The following SIGLEC6 variants were observed in gnomAD, a reference collection of about 807,000 sequenced individuals.
SIGLEC6 encodes sialic acid-binding Ig-like lectin 6.
Under a neutral mutation model 41.4 loss-of-function variants are expected in SIGLEC6, and 31 were observed. That is an observed-to-expected ratio of 0.75 (90% CI 0.56 to 1.01). The LOEUF (loss-of-function observed/expected upper bound fraction) is 1.01. SIGLEC6 is among the 50% of genes least tolerant of loss of function. The pLI, the probability that SIGLEC6 is intolerant of heterozygous loss-of-function variation, is 0.00. For missense variants in SIGLEC6, 555 were observed against 558.6 expected (o/e 0.99, Z 0.06); for synonymous variants, 217 against 231.0 (o/e 0.94, Z 0.55).
At chr19:51,523,000 C>T (rs777286668) in intron 7 of SIGLEC6, among the ~76,000 whole-genome samples, 13 of 151,890 alleles carry the variant, frequency 8.6e-5, no homozygotes, top group African/African-American at 1.7e-4. Context: ...ATTAGCCAGG[C>T]GCAGTGGTGC....
At chr19:51,530,064 C>G in intron 4 of SIGLEC6, 83 bp from the exon 5 acceptor site, 1 of 1,479,604 alleles carries the variant, frequency 6.8e-7, no homozygotes, top group Non-Finnish European at 9.1e-7. Context: ...GGGGTCCACA[C>G]TAGCTCTGAG....
In SIGLEC6 at chr19:51,530,503, G is replaced by A. The variant is rs1394750484; in HGVS notation, c.707-19C>T. 6.2e-7 allele frequency: 1 copy of A among 1,614,024 alleles called. No individual in the cohort carries two copies. The highest frequency in any genetic ancestry group is 2.2e-5 in the East Asian group (1 of 44,878). On this transcript the variant is annotated intron_variant, in intron 3 of 7. Coordinates refer to ENST00000425629, the MANE Select transcript of SIGLEC6 (RefSeq NM_001245.7). ...GGAGCATCTGGGGTGGAAAGAGGTG[G>A]CCGCCTCAACATCCCTGAGGAGGGA...
In SIGLEC6 at chr19:51,531,499, T is replaced by C. The variant is rs1369554069; in HGVS notation, c.88A>G (p.Arg30Gly). ...LWAGALAQER[R>G]FQLEGPESLT... is the part of the protein sequence containing the mutation. ...GACTCTGGCCCCTCCAGCTGGAATC[T>C]CCGCTCCTGAGCCAGGGCCCCTATG... The change falls in exon 2 of 8, where the codon AGA (arginine) becomes GGA (glycine). Residue 30 changes from arginine (R) to glycine (G), a missense_variant. By Grantham distance (125) the Arg-to-Gly change is moderately radical. Transcript: ENST00000425629. 1.9e-6 allele frequency: 3 copies of C among 1,613,612 alleles called. No homozygotes were observed. The Admixed American group carries it at 5.0e-5, about 27-fold the overall frequency.
intron 2 of SIGLEC6, 45 bp downstream of exon 2, chr19:51,531,115 C>T: frequency 1.3e-6 from 2 of 1,557,092 alleles, no homozygotes; most frequent in South Asian, 2.5e-5. Flanking sequence ...GCCCTACGGC[C>T]CCCATGACCT....
At chr19:51,527,966 C>G in intron 6 of SIGLEC6, 138 bp from the exon 7 acceptor site, 3 of 962,508 alleles carry the variant, frequency 3.1e-6, no homozygotes, top group Non-Finnish European at 4.7e-6. Context: ...AAGAGTTGGA[C>G]CACGGTTTCA....
chr19:51,529,912 T>C lies in SIGLEC6; in HGVS notation c.824A>G (p.Asp275Gly). ...GTGTGCAGGGGGGTTGCCGTCAGCATCACAGAGCAGCCGCAGAGCCTGGCC... is the reference window on the plus strand; with the variant it reads ...GTGTGCAGGGGGGTTGCCGTCAGCACCACAGAGCAGCCGCAGAGCCTGGCC... ...LEGQALRLLC[D>G]ADGNPPAHLS... Residue 275 changes from aspartate to glycine, a missense_variant, in exon 5 of 8, where the codon GAT becomes GGT. By Grantham distance (94) the Asp-to-Gly change is moderately conservative. Coordinates refer to ENST00000425629, the MANE Select transcript of SIGLEC6 (RefSeq NM_001245.7). 6.2e-7 allele frequency: 1 copy of C among 1,613,566 alleles called. No homozygotes were observed. Among genetic ancestry groups the C allele is most frequent in the Non-Finnish European group, 8.5e-7 (1 of 1,179,660 alleles).
intron 5 of SIGLEC6, 93 bp downstream of exon 5, chr19:51,529,631 G>A (rs1319980013): frequency 1.3e-6 from 2 of 1,527,092 alleles, no homozygotes; most frequent in Non-Finnish European, 1.8e-6. Flanking sequence ...GGTCTGGGGA[G>A]GGAGGACAGG....
At chr19:51,520,750 T>A (rs746951384) in intron 7 of SIGLEC6, among the ~76,000 whole-genome samples, 44 of 152,316 alleles carry the variant, frequency 2.9e-4, no homozygotes, top group Non-Finnish European at 4.1e-4. Context: ...ATCAGTCATA[T>A]TCTATTCTCA....
rs1979488433 is a variant in SIGLEC6 at position 51,527,793 on chromosome 19, A to C, written c.1142T>G (p.Val381Gly). The C allele has an allele frequency of 6.2e-7, 1 of 1,614,120 alleles. No individual in the cohort carries two copies. The highest frequency in any genetic ancestry group is 8.5e-7 in the Non-Finnish European group (1 of 1,180,024). The change falls in exon 7 of 8, where the codon GTG (valine) becomes GGG (glycine). Residue 381 changes from valine (V) to glycine (G), a missense_variant. Physicochemically the swap from Val to Gly is moderately radical, Grantham distance 109. Transcript: ENST00000425629. ...GGGGTTCACATCATCCGTGTTTTGC[A>C]CTGGCTGGGCTGCTTTCTTCCTTCT... Reference protein sequence around the residue: ...KTRRKKAAQPVQNTDDVNPVM... With the variant: ...KTRRKKAAQPGQNTDDVNPVM...
intron 7 of SIGLEC6, among the ~76,000 whole-genome samples, chr19:51,525,439 C>T (rs541264180): frequency 1.3e-4 from 20 of 152,280 alleles, no homozygotes; most frequent in Middle Eastern, 3.4e-3. Flanking sequence ...GCAGCCAGAC[C>T]GTATCAGTGT....
chr19:51,522,166 G>C (rs768115505), intron 7 of SIGLEC6, among the ~76,000 whole-genome samples: 15 of 152,262 alleles, frequency 9.9e-5, no homozygotes, highest in Non-Finnish European at 2.2e-4. Context: ...CGTGCTGCTG[G>C]AGAAGGAACA....
At position 51,530,845 on chromosome 19, in the gene SIGLEC6, GAGA is replaced by G; in HGVS notation, c.539_541del (p.Phe180del). The G allele has an allele frequency of 6.2e-7, 1 of 1,614,020 alleles. No individual in the cohort carries two copies. Among genetic ancestry groups the G allele is most frequent in the Non-Finnish European group, 8.5e-7 (1 of 1,179,992 alleles). On this transcript the variant is annotated inframe_deletion, in exon 3 of 8. Transcript: ENST00000425629. The stretch of plus-strand genomic sequence containing the variant: ...GGAGGTGGGGGCAGCTGACATCCAG[GAGA>G]AGATGGGGGGCGTCCCCTGCTCACA...
chr19:51,520,253 A>T lies in SIGLEC6; in HGVS notation c.1191T>A (p.Gly397=), dbSNP rs1348749168. 1.3e-6 allele frequency: 2 copies of T among 1,573,366 alleles called. No homozygotes were observed. Reference sequence around the variant, plus strand: ...TGCCTGTCTGGAACTGGTGCTGATGACCCTTAATGGAAGAAAAGAAAAGAT... The same window carrying T: ...TGCCTGTCTGGAACTGGTGCTGATGTCCCTTAATGGAAGAAAAGAAAAGAT... The part of the protein sequence containing the change: ...VNPVMVSGSR[G]HQHQFQTGIV... Residue 397 remains glycine (G), a splice_region_variant and synonymous_variant, in exon 8 of 8, where the codon GGT becomes GGA. Transcript: ENST00000425629.
Position 51,518,275 on chromosome 19 carries a change from C to T in SIGLEC6, c.*1807G>A, listed in dbSNP as rs971415621. ...AAGACATCTTTCTATTGCATTTAGC[C>T]TTCCAATATTGCTCCTAAAAAAGTC... On this transcript the variant is annotated 3_prime_UTR_variant, in exon 8 of 8. Transcript: ENST00000425629. Among the ~76,000 whole-genome samples the T allele has an allele frequency of 6.6e-6, 1 of 152,144 alleles. No homozygotes were observed. The highest frequency in any genetic ancestry group is 2.4e-5 in the African/African-American group (1 of 41,424).
chr19:51,528,257 T>C lies in SIGLEC6; in HGVS notation c.1013-4A>G, dbSNP rs1375752527. On this transcript the variant is annotated splice_region_variant and splice_polypyrimidine_tract_variant and intron_variant, in intron 5 of 7. Transcript: ENST00000425629. ...CCAGCCCTGCCTTCTGGTTTCCCTA[T>C]AATTTGAATTTTAAGTGAACTCCAG... 6 of 1,613,126 alleles carry C rather than the reference T, an allele frequency of 3.7e-6. No individual in the cohort carries two copies. The highest frequency in any genetic ancestry group is 5.1e-6 in the Non-Finnish European group (6 of 1,179,206).
At chr19:51,526,994 G>C (rs1032117564) in intron 7 of SIGLEC6, among the ~76,000 whole-genome samples, 7 of 152,102 alleles carry the variant, frequency 4.6e-5, no homozygotes, top group African/African-American at 1.7e-4. Flanking sequence ...GCAGACAAAA[G>C]AACAAAGAAT....
intron 5 of SIGLEC6, among the ~76,000 whole-genome samples, chr19:51,528,843 T>C (rs1979678188): frequency 6.6e-6 from 1 of 151,756 alleles, no homozygotes; most frequent in South Asian, 2.1e-4. Context: ...TAGCTGGGCA[T>C]GGTGGTGGGC....
intron 7 of SIGLEC6, among the ~76,000 whole-genome samples, chr19:51,523,135 G>A (rs1978569977): frequency 6.6e-6 from 1 of 151,556 alleles, no homozygotes; most frequent in South Asian, 2.1e-4. Flanking sequence ...GTGAGATCCT[G>A]TCTCAGGAAA....
At chr19:51,529,354 G>C (rs1979792831) in intron 5 of SIGLEC6, 2 of 246,690 alleles carry the variant, frequency 8.1e-6, no homozygotes, top group South Asian at 1.4e-4. Context: ...CCTCTTAGCA[G>C]ACTCCTGACC....
Sources: allele counts gnomAD v4.1 joint callset (sites outside exome capture counted in the v4.1 genomes callset), GRCh38; gene constraint gnomAD v4.1.1; transcripts MANE v1.5; gene names NCBI Gene and HGNC (gene_info 2026-07-23, HGNC 2026-07-21).